Variants in EVA1C observed in about 807,000 individuals in gnomAD.
The protein encoded by EVA1C is protein eva-1 homolog C.
In EVA1C, 25 loss-of-function variants were observed where a neutral mutation model predicts 45.4. The ratio of observed to expected loss-of-function variants is 0.55; its 90% CI spans 0.40 to 0.77. EVA1C has a LOEUF of 0.77. Among genes scored for constraint, EVA1C ranks in the 30% least tolerant of loss-of-function variants. The pLI is 0.00. For synonymous variants in EVA1C, 190 were observed against 221.2 expected, an observed-to-expected ratio of 0.86 and a Z score of 1.25; for missense variants, 479 against 554.8, an observed-to-expected ratio of 0.86 and a Z score of 1.37.
At chr21:32,491,365 C>A (rs147143229) in intron 4 of EVA1C, among the ~76,000 whole-genome samples, 60 of 151,920 alleles carry the variant, frequency 3.9e-4, no homozygotes, top group African/African-American at 5.5e-4. Flanking sequence ...GGTTGGGGAT[C>A]TTAAGCAGGC....
At chr21:32,493,063 G>A (rs891046393) in intron 4 of EVA1C, among the ~76,000 whole-genome samples, 1 of 152,208 alleles carries the variant, frequency 6.6e-6, no homozygotes, top group East Asian at 1.9e-4. Flanking sequence ...TGGGCCAGGT[G>A]TGGGAACTAG....
intron 4 of EVA1C, among the ~76,000 whole-genome samples, chr21:32,489,499 T>C (rs1045844588): frequency 1.3e-5 from 2 of 152,234 alleles, no homozygotes; most frequent in African/African-American, 4.8e-5. Context: ...TTGATTACTA[T>C]AGCTTTGTAG....
At chr21:32,473,256 G>A (rs2036441103) in intron 4 of EVA1C, among the ~76,000 whole-genome samples, 1 of 151,802 alleles carries the variant, frequency 6.6e-6, no homozygotes, top group South Asian at 2.1e-4. Context: ...AACAACACCT[G>A]TGTGTGTTCA....
chr21:32,506,473 C>G (rs545593338), intron 7 of EVA1C, among the ~76,000 whole-genome samples: 13 of 151,932 alleles, frequency 8.6e-5, no homozygotes, highest in Non-Finnish European at 1.3e-4. Context: ...ACCATGACCA[C>G]GCCTCCATAT....
At chr21:32,419,803 C>CGGGGGT (rs1910987437) in intron 1 of EVA1C, among the ~76,000 whole-genome samples, 1 of 124,048 alleles carries the variant, frequency 8.1e-6, no homozygotes, top group South Asian at 2.9e-4. Flanking sequence ...AAGGTGGGAG[C>CGGGGGT]GGGGGTGGGG....
At position 32,412,749 on chromosome 21, in the gene EVA1C, C is replaced by T. The variant is rs903202477; in HGVS notation, c.-105C>T. On this transcript the variant is annotated 5_prime_UTR_variant, in exon 1 of 8. Transcript: ENST00000300255. ...TGGGCAGGGAGGCGGCGGGGGGCCG[C>T]GGAGCCGCTGGCCATCGATTCTCCC... 3 of 1,176,904 alleles carry T rather than the reference C, an allele frequency of 2.5e-6. No individual in the cohort carries two copies. Among genetic ancestry groups the T allele is most frequent in the African/African-American group, 1.6e-5 (1 of 61,774 alleles). 72.9% of individuals were successfully genotyped at this position (1,176,904 alleles called of 1,614,324 possible).
At chr21:32,495,353 G>C (rs2037316336) in intron 5 of EVA1C, among the ~76,000 whole-genome samples, 183 bp downstream of exon 5, 1 of 152,054 alleles carries the variant, frequency 6.6e-6, no homozygotes, top group Admixed American at 6.6e-5. Context: ...TGATATTCAT[G>C]TCAGATAAGC....
intron 1 of EVA1C, among the ~76,000 whole-genome samples, chr21:32,420,867 T>A (rs935983851): frequency 5.3e-5 from 8 of 152,252 alleles, no homozygotes. Flanking sequence ...TGAATCCAGG[T>A]AGCCTTTCTA....
Position 32,412,926 on chromosome 21 carries a change from G to T in EVA1C, c.73G>T (p.Val25Leu). ...PVQHPGLRRQ[V>L]EPPGQLLRLF... is the part of the protein sequence containing the mutation. ...GCAGCATCCCGGCCTCCGCCGGCAG[G>T]TAGAGCCGCCGGGGCAGCTCCTGCG... is the stretch of plus-strand genomic sequence containing the variant. Residue 25 changes from valine (V) to leucine (L), a missense_variant, in exon 1 of 8, where the codon GTA becomes TTA. Transcript: ENST00000300255. The T allele has an allele frequency of 6.5e-7, 1 of 1,530,274 alleles. No individual in the cohort carries two copies. 94.8% of individuals were successfully genotyped at this position (1,530,274 alleles called of 1,614,324 possible).
chr21:32,412,047 C>A (rs2033841363), upstream of EVA1C: 1 of 152,262 alleles, frequency 6.6e-6, no homozygotes, highest in Non-Finnish European at 1.5e-5. Context: ...ACAACCAGCA[C>A]CCAAAGGAAG....
chr21:32,457,872 C>G (rs1179280087), intron 3 of EVA1C, 152 bp downstream of exon 3: 11 of 826,178 alleles, frequency 1.3e-5, no homozygotes, highest in Non-Finnish European at 2.1e-5. Flanking sequence ...TTTTTAGAGA[C>G]AGAGAGAGAA....
At chr21:32,460,794 G>A (rs924661485) in intron 3 of EVA1C, among the ~76,000 whole-genome samples, 5 of 149,384 alleles carry the variant, frequency 3.3e-5, no homozygotes, top group Admixed American at 6.8e-5. Flanking sequence ...TGCCCAGGCT[G>A]GAGTGTAGTG....
chr21:32,412,163 C>G (rs2033844360), upstream of EVA1C: 1 of 152,194 alleles, frequency 6.6e-6, no homozygotes, highest in Non-Finnish European at 1.5e-5. Context: ...CGCCGGGGCT[C>G]AGTCTCCTCT....
intron 5 of EVA1C, 119 bp downstream of exon 5, chr21:32,495,289 G>A (rs2037313439): frequency 9.8e-7 from 1 of 1,024,558 alleles, no homozygotes; most frequent in African/African-American, 1.6e-5. Context: ...TCCTGAAGCT[G>A]TTTGGTCATC....
rs567574264 is a variant in EVA1C at position 32,459,631 on chromosome 21, C to T, written c.481+1911C>T. On this transcript the variant is annotated intron_variant, in intron 3 of 7. Coordinates refer to ENST00000300255, the MANE Select transcript of EVA1C (RefSeq NM_058187.5). Reference sequence around the variant, plus strand: ...CTGAGGCGGGTAGATCACCTCAGGTCGGGTGTTTGAGACCAGCCTGACCAA... The same window carrying T: ...CTGAGGCGGGTAGATCACCTCAGGTTGGGTGTTTGAGACCAGCCTGACCAA... 6.6e-5 allele frequency among the ~76,000 whole-genome samples: 10 copies of T among 152,054 alleles called. No homozygotes were observed. The East Asian group carries it at 1.2e-3, about 18-fold the overall frequency.
chr21:32,457,633 C>A lies in EVA1C; in HGVS notation c.394C>A (p.His132Asn). The A allele has an allele frequency of 6.2e-7, 1 of 1,614,186 alleles. No homozygotes were observed. The highest frequency in any genetic ancestry group is 1.3e-5 in the African/African-American group (1 of 75,056). ...LDECQNQRAC[H>N]LLVNSRVFGP... ...CGAATGCCAGAACCAGCGGGCCTGC[C>A]ACCTCCTGGTCAATAGCCGTGTTTT... is the stretch of plus-strand genomic sequence containing the variant. The change falls in exon 3 of 8, where the codon CAC (histidine) becomes AAC (asparagine). Residue 132 changes from histidine to asparagine, a missense_variant. His to Asn is a moderately conservative substitution (Grantham distance 68, BLOSUM62 1). Transcript: ENST00000300255.
chr21:32,514,083 G>T (rs2038058478), intron 7 of EVA1C, among the ~76,000 whole-genome samples: 1 of 152,182 alleles, frequency 6.6e-6, no homozygotes, highest in Non-Finnish European at 1.5e-5. Flanking sequence ...GAATAGGGGA[G>T]AATGTGCTTA....
At chr21:32,455,135 A>G (rs971144026) in intron 2 of EVA1C, among the ~76,000 whole-genome samples, 2 of 152,148 alleles carry the variant, frequency 1.3e-5, no homozygotes, top group Non-Finnish European at 2.9e-5. Flanking sequence ...GCAAGGCGCC[A>G]TAGGTTTGGT....
chr21:32,500,910 C>G (rs902297459), intron 5 of EVA1C, among the ~76,000 whole-genome samples: 1 of 152,022 alleles, frequency 6.6e-6, no homozygotes, highest in Non-Finnish European at 1.5e-5. Flanking sequence ...CTCCCGTGTT[C>G]AAGCAAATTC....
Sources: allele counts gnomAD v4.1 joint callset (sites outside exome capture counted in the v4.1 genomes callset), GRCh38; gene constraint gnomAD v4.1.1; transcripts MANE v1.5; gene names NCBI Gene and HGNC (gene_info 2026-07-23, HGNC 2026-07-21).